USO1: variants seen among roughly 807,000 people sequenced by gnomAD.
USO1 encodes the protein USO1 vesicle transport factor.
In USO1, 57 loss-of-function variants were observed where a neutral mutation model predicts 124.5. The observed-to-expected ratio is 0.46, with a 90% CI of 0.37 to 0.57. The LOEUF is 0.57. Among genes scored for constraint, USO1 ranks in the 20% least tolerant of loss-of-function variants. USO1 has a pLI of 0.00. For synonymous variants in USO1, 369 were observed against 362.8 expected, an observed-to-expected ratio of 1.02 and a Z score of -0.19; for missense variants, 900 against 1,040.6, an observed-to-expected ratio of 0.86 and a Z score of 1.86.
intron 1 of USO1, among the ~76,000 whole-genome samples, chr4:75,748,906 A>G (rs1318237875): frequency 1.3e-5 from 2 of 152,044 alleles, no homozygotes; most frequent in Non-Finnish European, 2.9e-5. Context: ...AATGAGGTTC[A>G]TGTTTTTAAG....
At chr4:75,754,461 A>G (rs186325809) in intron 3 of USO1, among the ~76,000 whole-genome samples, 1 of 152,206 alleles carries the variant, frequency 6.6e-6, no homozygotes, top group African/African-American at 2.4e-5. Context: ...GATCTTAGCT[A>G]CAGTTGAATG....
chr4:75,782,953 T>C (rs1380528376), intron 9 of USO1, 95 bp downstream of exon 9: 2 of 1,424,142 alleles, frequency 1.4e-6, no homozygotes, highest in African/African-American at 3.0e-5. Context: ...CCAGAATATT[T>C]GATGGATTTC....
chr4:75,742,849 T>C (rs1721001948), intron 1 of USO1, among the ~76,000 whole-genome samples: 1 of 152,242 alleles, frequency 6.6e-6, no homozygotes, highest in East Asian at 1.9e-4. Context: ...TAAGAGTTTG[T>C]GACTTCAGAT....
chr4:75,773,608 A>G (rs1378764493), intron 7 of USO1, among the ~76,000 whole-genome samples: 3 of 152,180 alleles, frequency 2.0e-5, no homozygotes, highest in South Asian at 2.1e-4. Flanking sequence ...CCCACTTTAT[A>G]TAACTCAGAG....
chr4:75,783,890 T>C (rs1426683847), intron 9 of USO1, among the ~76,000 whole-genome samples: 1 of 152,256 alleles, frequency 6.6e-6, no homozygotes, highest in African/African-American at 2.4e-5. Flanking sequence ...AGAGTCTATT[T>C]GTACTCCCAA....
chr4:75,789,519 C>T (rs1462621095), intron 10 of USO1, among the ~76,000 whole-genome samples: 2 of 152,192 alleles, frequency 1.3e-5, no homozygotes, highest in East Asian at 3.9e-4. Context: ...AAGTGTTCCA[C>T]CCACCTGGGC....
At chr4:75,748,211 C>CTT (rs71208096) in intron 1 of USO1, among the ~76,000 whole-genome samples, 64,098 of 123,872 alleles carry the variant, frequency 0.52, 17,986 homozygotes, top group East Asian at 0.8. Flanking sequence ...GCTGGTATTT[C>CTT]TTTTTTTTTT....
At chr4:75,808,147 A>C (rs2149195180) in intron 20 of USO1, among the ~76,000 whole-genome samples, 1 of 152,286 alleles carries the variant, frequency 6.6e-6, no homozygotes, top group Non-Finnish European at 1.5e-5. Flanking sequence ...TCCTGCTGAG[A>C]GCCATTGTTA....
chr4:75,810,381 T>C, intron 21 of USO1, 51 bp from the exon 22 acceptor site: 1 of 1,524,862 alleles, frequency 6.6e-7, no homozygotes. Flanking sequence ...TGGGAGTTCA[T>C]ATTGATTGTA....
At chr4:75,775,184 A>G (rs1257162034) in intron 8 of USO1, among the ~76,000 whole-genome samples, 1 of 152,156 alleles carries the variant, frequency 6.6e-6, no homozygotes, top group Non-Finnish European at 1.5e-5. Flanking sequence ...AAAGGTTAGA[A>G]ATAGTCTTTT....
chr4:75,747,729 C>T (rs1721167827), intron 1 of USO1, among the ~76,000 whole-genome samples: 2 of 149,570 alleles, frequency 1.3e-5, no homozygotes, highest in African/African-American at 5.0e-5. Context: ...CCTGCCTCAG[C>T]GTCCTGAGTA....
chr4:75,810,005 G>T (rs1723101059), intron 21 of USO1, among the ~76,000 whole-genome samples: 1 of 152,154 alleles, frequency 6.6e-6, no homozygotes, highest in South Asian at 2.1e-4. Flanking sequence ...GTCTCCTCTA[G>T]CACTTGAGAA....
chr4:75,812,017 C>T, intron 22 of USO1, 143 bp from the exon 23 acceptor site: 2 of 1,227,078 alleles, frequency 1.6e-6, no homozygotes, highest in Non-Finnish European at 2.2e-6. Flanking sequence ...GTGTGTTAAA[C>T]CTCCTGTACC....
intron 22 of USO1, among the ~76,000 whole-genome samples, 182 bp downstream of exon 22, chr4:75,810,721 T>TG (rs1178395427): frequency 2.0e-5 from 3 of 152,098 alleles, no homozygotes; most frequent in Admixed American, 6.6e-5. Flanking sequence ...TTTTTTGTTT[T>TG]GGGTTTTTTT....
intron 8 of USO1, among the ~76,000 whole-genome samples, chr4:75,775,793 ATAATC>A (rs1333895970): frequency 2.0e-5 from 3 of 152,206 alleles, no homozygotes; most frequent in East Asian, 1.9e-4. Context: ...GAAAATCTCT[ATAATC>A]TAAGCTAGAT....
Position 75,724,810 on chromosome 4 carries a change from G to A in USO1, c.-10G>A, listed in dbSNP as rs375005169. On this transcript the variant is annotated 5_prime_UTR_variant, in exon 1 of 24. Coordinates refer to ENST00000514213, the MANE Select transcript of USO1 (RefSeq NM_003715.4). ...GGAGGGGCCGGTAAACCTGGTGGCT[G>A]AACGGCAAGATGAATTTCCTCCGCG... 2.2e-5 allele frequency: 36 copies of A among 1,613,756 alleles called. No individual in the cohort carries two copies. Among genetic ancestry groups the A allele is most frequent in the Non-Finnish European group, 2.9e-5 (34 of 1,179,850 alleles).
intron 4 of USO1, among the ~76,000 whole-genome samples, chr4:75,763,549 C>T (rs1299816060): frequency 6.6e-6 from 1 of 152,050 alleles, no homozygotes. Flanking sequence ...AGGACATAAC[C>T]CCATTGTAAA....
intron 10 of USO1, among the ~76,000 whole-genome samples, chr4:75,788,662 C>T (rs1364240309): frequency 1.3e-5 from 2 of 151,394 alleles, no homozygotes; most frequent in Non-Finnish European, 2.9e-5. Context: ...TCTGCCTCAG[C>T]CTCCAGAGTA....
In USO1 at chr4:75,800,625, C is replaced by A; in HGVS notation, c.1690C>A (p.Leu564Ile). The change falls in exon 16 of 24, where the codon CTA becomes ATA. Residue 564 changes from leucine (L) to isoleucine (I), a missense_variant. By Grantham distance (5) the Leu-to-Ile change is conservative. Transcript: ENST00000514213. ...NSLESYMKEK[L>I]KQLIEKRIGK... Reference sequence around the variant, plus strand: ...ATATGCTTATCTCCGTAGAGAGAAGCTAAAACAACTGATTGAGAAGAGGAT... The same window carrying A: ...ATATGCTTATCTCCGTAGAGAGAAGATAAAACAACTGATTGAGAAGAGGAT... 6.4e-7 allele frequency: 1 copy of A among 1,557,986 alleles called. No individual in the cohort carries two copies. Among genetic ancestry groups the A allele is most frequent in the Non-Finnish European group, 8.6e-7 (1 of 1,160,326 alleles).
Sources: allele counts gnomAD v4.1 joint callset (sites outside exome capture counted in the v4.1 genomes callset), GRCh38; gene constraint gnomAD v4.1.1; transcripts MANE v1.5; gene names NCBI Gene and HGNC (gene_info 2026-07-23, HGNC 2026-07-21).